The following RUNX2 variants were observed in gnomAD, a reference collection of about 807,000 sequenced individuals.
RUNX2 encodes runt-related transcription factor 2.
A neutral mutation model predicts 51.7 loss-of-function variants in RUNX2; 10 were observed. The ratio of observed to expected loss-of-function variants is 0.19; its 90% CI spans 0.12 to 0.33. RUNX2 has a LOEUF of 0.33. Among genes scored for constraint, RUNX2 ranks in the 10% least tolerant of loss-of-function variants. The pLI is 1.00. For missense variants in RUNX2, 562 were observed against 691.3 expected (o/e 0.81, Z 2.10); for synonymous variants, 276 against 273.6 (o/e 1.01, Z -0.09).
Position 45,491,924 on chromosome 6 carries a change from T to C in RUNX2, c.686-17T>C. 6.2e-7 allele frequency: 1 copy of C among 1,613,232 alleles called. No homozygotes were observed. Among genetic ancestry groups the C allele is most frequent in the Non-Finnish European group, 8.5e-7 (1 of 1,179,264 alleles). On this transcript the variant is annotated splice_polypyrimidine_tract_variant and intron_variant, in intron 5 of 8. Transcript: ENST00000647337. ...AGCTAATTAATATGCTTTTATTTTA[T>C]GATTTGCTATTTCCAGGGCACAGAC... is the stretch of plus-strand genomic sequence containing the variant.
intron 5 of RUNX2, among the ~76,000 whole-genome samples, chr6:45,441,007 T>A (rs1003774336): frequency 6.6e-6 from 1 of 152,232 alleles, no homozygotes; most frequent in African/African-American, 2.4e-5. Context: ...CAAAGTGGCT[T>A]ATTTTATTGA....
At chr6:45,444,202 T>C (rs1798927166) in intron 5 of RUNX2, among the ~76,000 whole-genome samples, 4 of 152,230 alleles carry the variant, frequency 2.6e-5, no homozygotes, top group Admixed American at 6.5e-5. Context: ...TCTTGCTTGC[T>C]GGCACCTTGG....
At chr6:45,402,441 G>C (rs1250368422) in intron 2 of RUNX2, among the ~76,000 whole-genome samples, 1 of 152,124 alleles carries the variant, frequency 6.6e-6, no homozygotes, top group Admixed American at 6.6e-5. Context: ...CATCCAAATT[G>C]GGTAAATACA....
In RUNX2 at chr6:45,547,741, A is replaced by G. The variant is rs895804562; in HGVS notation, c.*436A>G. The G allele has an allele frequency of 1.0e-4, 27 of 262,142 alleles. No homozygotes were observed. Among genetic ancestry groups the G allele is most frequent in the African/African-American group, 5.6e-4 (25 of 44,398 alleles). The allele number at this position is 262,142 out of a possible 1,614,324, so 16.2% of individuals were successfully genotyped here. A position where few individuals can be genotyped will look rare whatever the true frequency, so the allele number is the denominator to read the frequency against. ...TCACGGTGGCAGCTGTGTATGGACC[A>G]GTGCCCTCCGCAGACAGCTCACAAA... On this transcript the variant is annotated 3_prime_UTR_variant, in exon 9 of 9. Transcript: ENST00000647337.
chr6:45,469,433 A>G (rs996697961), intron 5 of RUNX2, among the ~76,000 whole-genome samples: 2 of 152,330 alleles, frequency 1.3e-5, no homozygotes, highest in African/African-American at 4.8e-5. Context: ...TAAACTTCTA[A>G]TAGTACAAAA....
At chr6:45,546,201 C>T (rs888119897) in intron 8 of RUNX2, among the ~76,000 whole-genome samples, 3 of 152,034 alleles carry the variant, frequency 2.0e-5, no homozygotes, top group Non-Finnish European at 4.4e-5. Context: ...TAGCTTATGA[C>T]CCTCCCTATC....
intron 6 of RUNX2, among the ~76,000 whole-genome samples, chr6:45,493,508 G>A (rs529363829): frequency 1.3e-5 from 2 of 149,062 alleles, no homozygotes; most frequent in Non-Finnish European, 2.9e-5. Flanking sequence ...ATGGGAGAGT[G>A]GGGGGGCGGT....
chr6:45,501,323 C>T (rs1322396188), intron 6 of RUNX2, among the ~76,000 whole-genome samples: 1 of 152,236 alleles, frequency 6.6e-6, no homozygotes, highest in Non-Finnish European at 1.5e-5. Flanking sequence ...CTCCCCCATC[C>T]TGTCTTGTAG....
At chr6:45,354,003 CAAAG>C (rs1044543532) in intron 2 of RUNX2, among the ~76,000 whole-genome samples, 8 of 151,902 alleles carry the variant, frequency 5.3e-5, no homozygotes, top group African/African-American at 1.9e-4. Flanking sequence ...GCTCAGTTGT[CAAAG>C]AAAAGCTGAA....
chr6:45,428,940 A>C (rs1244618919), intron 3 of RUNX2, among the ~76,000 whole-genome samples: 1 of 152,070 alleles, frequency 6.6e-6, no homozygotes, highest in East Asian at 1.9e-4. Flanking sequence ...CAGAACATGA[A>C]GTGAGGAAGT....
chr6:45,421,398 A>ACC (rs991828981), intron 2 of RUNX2: 14 of 145,380 alleles, frequency 9.6e-5, no homozygotes, highest in African/African-American at 3.3e-4. Flanking sequence ...ATCTCCCTCC[A>ACC]CCCCCCCTCC....
chr6:45,355,855 T>C (rs1279056643), intron 2 of RUNX2, among the ~76,000 whole-genome samples: 1 of 152,180 alleles, frequency 6.6e-6, no homozygotes, highest in Non-Finnish European at 1.5e-5. Flanking sequence ...AATGTTATTT[T>C]TGTTGAATAA....
chr6:45,477,912 C>T (rs1008922624), intron 5 of RUNX2, among the ~76,000 whole-genome samples: 2 of 152,092 alleles, frequency 1.3e-5, no homozygotes, highest in African/African-American at 4.8e-5. Flanking sequence ...CAAGGCCCTT[C>T]AGCATCTGCT....
chr6:45,370,966 T>C (rs17288320), intron 2 of RUNX2, among the ~76,000 whole-genome samples: 29,190 of 152,198 alleles, frequency 0.19, 3,617 homozygotes, highest in Non-Finnish European at 0.28. Context: ...ACTGCAAATG[T>C]GCCTATCAGA....
At chr6:45,382,026 A>G (rs1296457205) in intron 2 of RUNX2, among the ~76,000 whole-genome samples, 1 of 152,214 alleles carries the variant, frequency 6.6e-6, no homozygotes, top group Non-Finnish European at 1.5e-5. Context: ...TGAAAAAATG[A>G]TTATGTTTTT....
At chr6:45,386,003 T>C (rs186708986) in intron 2 of RUNX2, among the ~76,000 whole-genome samples, 13 of 152,228 alleles carry the variant, frequency 8.5e-5, no homozygotes, top group African/African-American at 2.9e-4. Context: ...TAGTTTTTTC[T>C]TTTCTTAGAT....
chr6:45,333,129 T>C (rs189573216), intron 2 of RUNX2, among the ~76,000 whole-genome samples: 1 of 151,894 alleles, frequency 6.6e-6, no homozygotes, highest in Admixed American at 6.6e-5. Context: ...AACAAATCTT[T>C]AAAAGAAGTC....
intron 7 of RUNX2, among the ~76,000 whole-genome samples, chr6:45,538,802 T>C (rs997559231): frequency 2.0e-5 from 3 of 152,128 alleles, no homozygotes; most frequent in Middle Eastern, 3.4e-3. Context: ...CCTCTCTAAA[T>C]GGGAGCACAG....
chr6:45,408,500 G>A (rs1489419765), intron 2 of RUNX2, among the ~76,000 whole-genome samples: 3 of 152,130 alleles, frequency 2.0e-5, no homozygotes, highest in Non-Finnish European at 4.4e-5. Context: ...CAGCCCCTAA[G>A]AACACTAAAG....
Sources: allele counts gnomAD v4.1 joint callset (sites outside exome capture counted in the v4.1 genomes callset), GRCh38; gene constraint gnomAD v4.1.1; transcripts MANE v1.5; gene names NCBI Gene and HGNC (gene_info 2026-07-23, HGNC 2026-07-21).